Variants in EDIL3 observed in about 807,000 individuals in gnomAD.
EDIL3 encodes EGF-like repeat and discoidin I-like domain-containing protein 3.
A neutral mutation model predicts 67.4 loss-of-function variants in EDIL3; 37 were observed. The ratio of observed to expected loss-of-function variants is 0.55; its 90% CI spans 0.42 to 0.72. The LOEUF is 0.72. EDIL3 is among the 30% of genes least tolerant of loss of function. The pLI is 0.00. For missense variants in EDIL3, 527 were observed against 586.3 expected, an observed-to-expected ratio of 0.90 and a Z score of 1.04; for synonymous variants, 195 against 196.3, an observed-to-expected ratio of 0.99 and a Z score of 0.05.
intron 6 of EDIL3, among the ~76,000 whole-genome samples, chr5:84,074,949 C>A (rs1305495054): frequency 6.6e-6 from 1 of 152,104 alleles, no homozygotes; most frequent in Admixed American, 6.5e-5. Context: ...GGAACCAACC[C>A]GAATGTCCAA....
At chr5:84,352,162 A>G (rs1411845913) in intron 1 of EDIL3, among the ~76,000 whole-genome samples, 1 of 152,192 alleles carries the variant, frequency 6.6e-6, no homozygotes, top group Non-Finnish European at 1.5e-5. Flanking sequence ...GGATGCAGAG[A>G]AAGGGGAATT....
intron 9 of EDIL3, among the ~76,000 whole-genome samples, chr5:84,010,571 A>G (rs1053365975): frequency 2.4e-4 from 37 of 152,036 alleles, no homozygotes; most frequent in African/African-American, 8.4e-4. Flanking sequence ...AGTTTCTATT[A>G]TGTTTCTGTC....
intron 10 of EDIL3, among the ~76,000 whole-genome samples, chr5:83,962,300 A>C (rs986557951): frequency 2.6e-5 from 4 of 151,472 alleles, no homozygotes; most frequent in African/African-American, 4.8e-5. Context: ...TTCTCCTCCA[A>C]ATCCTTCATC....
intron 1 of EDIL3, among the ~76,000 whole-genome samples, chr5:84,265,136 G>GA (rs570377349): frequency 8.6e-5 from 13 of 151,940 alleles, no homozygotes; most frequent in Admixed American, 1.3e-4. Context: ...TAAAATTACA[G>GA]AAAAAAAATT....
intron 3 of EDIL3, among the ~76,000 whole-genome samples, chr5:84,221,695 T>A (rs1196054039): frequency 6.6e-6 from 1 of 152,070 alleles, no homozygotes; most frequent in Non-Finnish European, 1.5e-5. Flanking sequence ...TACTTCTATC[T>A]CATTTTTAAA....
intron 9 of EDIL3, among the ~76,000 whole-genome samples, chr5:84,042,419 T>C (rs190309313): frequency 1.3e-5 from 2 of 152,096 alleles, no homozygotes; most frequent in East Asian, 1.9e-4. Context: ...GTAGTTGAGA[T>C]TACAGGTGCC....
chr5:84,287,178 T>G (rs1181341760), intron 1 of EDIL3, among the ~76,000 whole-genome samples: 1 of 152,186 alleles, frequency 6.6e-6, no homozygotes, highest in African/African-American at 2.4e-5. Flanking sequence ...AAAGCTGTAT[T>G]TATCCACTTG....
intron 4 of EDIL3, among the ~76,000 whole-genome samples, chr5:84,139,257 G>A (rs892016847): frequency 7.2e-6 from 1 of 139,582 alleles, no homozygotes; most frequent in Non-Finnish European, 1.5e-5. Flanking sequence ...AAGTATGATA[G>A]ACTCCTAAAT....
At chr5:84,043,878 G>A (rs1217391659) in intron 9 of EDIL3, among the ~76,000 whole-genome samples, 1 of 151,952 alleles carries the variant, frequency 6.6e-6, no homozygotes, top group African/African-American at 2.4e-5. Flanking sequence ...AGGATATTAG[G>A]GTAGTTATTT....
At chr5:84,061,456 T>A (rs1185551596) in intron 8 of EDIL3, among the ~76,000 whole-genome samples, 1 of 152,116 alleles carries the variant, frequency 6.6e-6, no homozygotes, top group Non-Finnish European at 1.5e-5. Flanking sequence ...GGCTGAGTCT[T>A]CTTTATGTGA....
In EDIL3 at chr5:84,358,677, C is replaced by G. The variant is rs1747537373; in HGVS notation, c.67+25631G>C. 2.9e-5 allele frequency among the ~76,000 whole-genome samples: 4 copies of G among 137,978 alleles called. No individual in the cohort carries two copies. The Admixed American group carries it at 3.1e-4, about 11-fold the overall frequency. The allele number at this position is 137,978 out of a possible 152,430, so 90.5% of individuals were successfully genotyped here. ...GGAGTGCAGTGGCACAATCTCGGCTCACTGCAAGCTCTGCCTCCTAGGTTC... is the reference window on the plus strand; with the variant it reads ...GGAGTGCAGTGGCACAATCTCGGCTGACTGCAAGCTCTGCCTCCTAGGTTC... On this transcript the variant is annotated intron_variant, in intron 1 of 10. Coordinates refer to ENST00000296591, the MANE Select transcript of EDIL3 (RefSeq NM_005711.5).
chr5:84,152,060 C>G (rs1748404548), intron 4 of EDIL3, among the ~76,000 whole-genome samples: 1 of 152,014 alleles, frequency 6.6e-6, no homozygotes, highest in African/African-American at 2.4e-5. Flanking sequence ...GCTGGGATTA[C>G]AAGCATGAGC....
chr5:84,131,799 T>C (rs904623661), intron 5 of EDIL3, among the ~76,000 whole-genome samples: 1 of 152,172 alleles, frequency 6.6e-6, no homozygotes, highest in African/African-American at 2.4e-5. Flanking sequence ...TAAATTTGTC[T>C]TTTAAAAAGC....
intron 1 of EDIL3, among the ~76,000 whole-genome samples, chr5:84,264,454 T>C (rs574112225): frequency 6.6e-6 from 1 of 152,272 alleles, no homozygotes; most frequent in African/African-American, 2.4e-5. Flanking sequence ...TGTCAACATG[T>C]ACCCCACTGT....
intron 2 of EDIL3, among the ~76,000 whole-genome samples, chr5:84,246,253 C>T (rs868454225): frequency 6.6e-6 from 1 of 152,230 alleles, no homozygotes; most frequent in South Asian, 2.1e-4. Context: ...TTGTTAGCTA[C>T]TGTGAGGCAA....
rs1179003352 is a variant in EDIL3, at chr5:84,026,785, G to A, written c.1137+33515C>T. Among the ~76,000 whole-genome samples, 4 of 152,122 alleles carry A rather than the reference G, an allele frequency of 2.6e-5. No homozygotes were observed. The East Asian group carries it at 7.7e-4, about 29-fold the overall frequency. Reference sequence around the variant, plus strand: ...CTAAGTTCTTAAACAGAAAAACCACGCCTTATCTTCATTAGGCTCAAAATG... The same window carrying A: ...CTAAGTTCTTAAACAGAAAAACCACACCTTATCTTCATTAGGCTCAAAATG... On this transcript the variant is annotated intron_variant, in intron 9 of 10. Transcript: ENST00000296591.
Position 84,141,930 on chromosome 5 carries a change from T to TATATATAC in EDIL3, c.356-4577_356-4576insGTATATAT, listed in dbSNP as rs1561443778. Reference sequence around the variant, plus strand: ...TCATATATATATATATATACACATATATATATATATATATATACATAGATC... The same window carrying TATATATAC: ...TCATATATATATATATATACACATATATATATACATATATATATATATATACATAGATC... On this transcript the variant is annotated intron_variant, in intron 4 of 10. Transcript: ENST00000296591. 6.4e-4 allele frequency among the ~76,000 whole-genome samples: 81 copies of TATATATAC among 125,614 alleles called. 1 individual carries two copies. The highest frequency in any genetic ancestry group is 9.3e-5 in the African/African-American group (3 of 32,278). 82.4% of individuals were successfully genotyped at this position (125,614 alleles called of 152,430 possible). A position where few individuals can be genotyped will look rare whatever the true frequency, so the allele number is the denominator to read the frequency against.
At chr5:84,160,595 G>C (rs1236435168) in intron 4 of EDIL3, among the ~76,000 whole-genome samples, 1 of 152,064 alleles carries the variant, frequency 6.6e-6, no homozygotes, top group African/African-American at 2.4e-5. Context: ...ACGTGAAGCA[G>C]TTTTTAAATG....
At chr5:84,228,517 A>C (rs79136146) in intron 3 of EDIL3, among the ~76,000 whole-genome samples, 395 of 152,220 alleles carry the variant, frequency 2.6e-3, no homozygotes, top group Non-Finnish European at 4.0e-3. Context: ...TACTGCCTAG[A>C]GTGGGAGAAA....
Sources: gnomAD v4.1 joint callset for allele counts (sites outside exome capture counted in the v4.1 genomes callset) on GRCh38, gnomAD v4.1.1 for gene constraint, MANE v1.5 for transcripts, NCBI Gene and HGNC (gene_info 2026-07-23, HGNC 2026-07-21) for gene names.